The following RBFOX1 variants were observed in gnomAD, a reference collection of about 807,000 sequenced individuals.
The protein encoded by RBFOX1 is RNA binding fox-1 homolog 1, also known as RNA binding protein fox-1 homolog 1.
A neutral mutation model predicts 57.7 loss-of-function variants in RBFOX1; 8 were observed. That is an observed-to-expected ratio of 0.14 (90% CI 0.08 to 0.25). RBFOX1 has a LOEUF of 0.25. Among genes scored for constraint, RBFOX1 ranks in the 10% least tolerant of loss-of-function variants. RBFOX1 has a pLI of 1.00. For synonymous variants in RBFOX1, 326 were observed against 222.4 expected (o/e 1.47, Z -4.15); for missense variants, 611 against 548.5 (o/e 1.11, Z -1.14).
At chr16:6,547,895 G>A (rs554651088) in intron 2 of RBFOX1, among the ~76,000 whole-genome samples, 11 of 152,118 alleles carry the variant, frequency 7.2e-5, no homozygotes. Flanking sequence ...TCACGGTTAG[G>A]ATGCTGACTA....
chr16:5,585,021 A>G (rs1348318167), intron 2 of RBFOX1, among the ~76,000 whole-genome samples: 2 of 152,206 alleles, frequency 1.3e-5, no homozygotes, highest in African/African-American at 2.4e-5. Context: ...CAGCCTCCAC[A>G]TAGCATAAAA....
At chr16:7,302,061 T>G (rs912103063) in intron 4 of RBFOX1, among the ~76,000 whole-genome samples, 1 of 152,178 alleles carries the variant, frequency 6.6e-6, no homozygotes, top group Non-Finnish European at 1.5e-5. Context: ...CACCCCCCAA[T>G]AAAAGCAGTA....
At chr16:7,256,394 A>G (rs749643683) in intron 4 of RBFOX1, among the ~76,000 whole-genome samples, 9 of 152,186 alleles carry the variant, frequency 5.9e-5, no homozygotes, top group Non-Finnish European at 1.0e-4. Flanking sequence ...TCTCTTTGAA[A>G]GACAAAGGCG....
intron 4 of RBFOX1, among the ~76,000 whole-genome samples, chr16:7,392,225 A>G (rs770516329): frequency 6.6e-6 from 1 of 151,982 alleles, no homozygotes; most frequent in Non-Finnish European, 1.5e-5. Flanking sequence ...TCCCTTTTTC[A>G]TGGAAGCCCT....
At chr16:6,246,982 A>T (rs1171266549) in intron 1 of RBFOX1, among the ~76,000 whole-genome samples, 1 of 152,200 alleles carries the variant, frequency 6.6e-6, no homozygotes, top group East Asian at 1.9e-4. Context: ...AGACAGGAGA[A>T]TCGCTTGAAC....
rs574924330 is a variant in RBFOX1 at position 7,280,598 on chromosome 16, C to A, written c.27+228500C>A. 6.6e-5 allele frequency among the ~76,000 whole-genome samples: 10 copies of A among 152,260 alleles called. No homozygotes were observed. In the South Asian group the frequency reaches 1.7e-3, roughly 25 times the overall value. ...AAGCTTGAGTGACATCTCAGTGGGGCCGCTACCTTCGGAGAGCTCCGCACA... is the reference window on the plus strand; with the variant it reads ...AAGCTTGAGTGACATCTCAGTGGGGACGCTACCTTCGGAGAGCTCCGCACA... On this transcript the variant is annotated intron_variant, in intron 4 of 15. Coordinates refer to ENST00000550418, the MANE Select transcript of RBFOX1 (RefSeq NM_018723.4).
chr16:6,537,574 T>G (rs2096752737), intron 2 of RBFOX1, among the ~76,000 whole-genome samples: 1 of 152,188 alleles, frequency 6.6e-6, no homozygotes, highest in Non-Finnish European at 1.5e-5. Flanking sequence ...CAGTATGATT[T>G]CAGAGACCAC....
chr16:7,488,929 G>T (rs1275422973), intron 4 of RBFOX1, among the ~76,000 whole-genome samples: 3 of 152,090 alleles, frequency 2.0e-5, no homozygotes, highest in African/African-American at 4.8e-5. Flanking sequence ...CCATCAGTCT[G>T]TATACTTCAC....
chr16:5,492,190 C>A (rs1031388562), intron 2 of RBFOX1, among the ~76,000 whole-genome samples: 3 of 152,208 alleles, frequency 2.0e-5, no homozygotes, highest in African/African-American at 7.2e-5. Context: ...GAACCCTGAA[C>A]TACCTACTCC....
intron 1 of RBFOX1, among the ~76,000 whole-genome samples, chr16:6,103,595 C>T (rs1198238818): frequency 1.3e-5 from 2 of 152,102 alleles, no homozygotes; most frequent in East Asian, 1.9e-4. Context: ...CAGGCTCCTT[C>T]CATCTTGTGA....
At chr16:5,520,709 T>G (rs35938887) in intron 2 of RBFOX1, among the ~76,000 whole-genome samples, 39,039 of 152,136 alleles carry the variant, frequency 0.26, 7,206 homozygotes, top group African/African-American at 0.53. Context: ...TTGCAAAACT[T>G]ATCTGTAGGA....
intron 3 of RBFOX1, among the ~76,000 whole-genome samples, chr16:7,041,336 G>C (rs1348245765): frequency 1.3e-5 from 2 of 152,094 alleles, no homozygotes; most frequent in African/African-American, 4.8e-5. Context: ...CTGCAACAAA[G>C]ACAAGAGAGT....
At chr16:6,623,880 T>C (rs536587582) in intron 2 of RBFOX1, among the ~76,000 whole-genome samples, 3 of 152,336 alleles carry the variant, frequency 2.0e-5, no homozygotes, top group African/African-American at 7.2e-5. Flanking sequence ...GTCTTTGCTA[T>C]TGTGAATAGT....
At chr16:7,384,541 C>T (rs966561854) in intron 4 of RBFOX1, among the ~76,000 whole-genome samples, 6 of 152,086 alleles carry the variant, frequency 3.9e-5, no homozygotes, top group Admixed American at 1.3e-4. Flanking sequence ...GAATCTTGGG[C>T]AGTATCATTT....
chr16:5,592,124 T>A (rs1288989112), intron 2 of RBFOX1, among the ~76,000 whole-genome samples: 1 of 152,234 alleles, frequency 6.6e-6, no homozygotes, highest in Admixed American at 6.5e-5. Flanking sequence ...TAAGAGGTAT[T>A]TGCATGACCA....
In RBFOX1 at chr16:5,631,159, C is replaced by T. The variant is rs533730968; in HGVS notation, c.318+32198C>T. On this transcript the variant is annotated intron_variant, in intron 3 of 19. Coordinates refer to the RBFOX1 transcript ENST00000641259. Reference sequence around the variant, plus strand: ...AAACTCAACCGGTCATTGAGTATGTCGGAATTTGCTCTGATGAAGGTGATG... The same window carrying T: ...AAACTCAACCGGTCATTGAGTATGTTGGAATTTGCTCTGATGAAGGTGATG... 7.2e-5 allele frequency among the ~76,000 whole-genome samples: 11 copies of T among 152,206 alleles called. No individual in the cohort carries two copies. The South Asian group carries it at 8.3e-4, about 11-fold the overall frequency.
chr16:7,670,048 G>A (rs2070863933), intron 13 of RBFOX1, among the ~76,000 whole-genome samples: 1 of 152,074 alleles, frequency 6.6e-6, no homozygotes, highest in East Asian at 1.9e-4. Context: ...AAACTTTTTT[G>A]GGAGACATAG....
In RBFOX1 at chr16:6,824,254, A is replaced by G. The variant is rs556572683; in HGVS notation, c.-16+169604A>G. Among the ~76,000 whole-genome samples the G allele has an allele frequency of 2.0e-5, 3 of 152,272 alleles. No individual in the cohort carries two copies. In the East Asian group the frequency reaches 5.8e-4, roughly 29 times the overall value. ...ACTCCATCTCCACTAAAAATACAAA[A>G]ATTAGCCAGATGTGGTGGTTGGTAC... On this transcript the variant is annotated intron_variant, in intron 3 of 15. Transcript: ENST00000550418.
intron 2 of RBFOX1, among the ~76,000 whole-genome samples, chr16:6,397,461 G>A (rs1245498120): frequency 6.6e-6 from 1 of 151,906 alleles, no homozygotes; most frequent in African/African-American, 2.4e-5. Flanking sequence ...ATCCTTCACA[G>A]AAATTAATAG....
Sources: gnomAD v4.1 joint callset for allele counts (sites outside exome capture counted in the v4.1 genomes callset) on GRCh38, gnomAD v4.1.1 for gene constraint, MANE v1.5 for transcripts, NCBI Gene and HGNC (gene_info 2026-07-23, HGNC 2026-07-21) for gene names.